Variants in MYO16 observed in about 807,000 individuals in gnomAD.
The protein encoded by MYO16 is myosin XVI, also known as unconventional myosin-XVI.
In MYO16, 94 loss-of-function variants were observed where a neutral mutation model predicts 205.3. That is an observed-to-expected ratio of 0.46 (90% CI 0.39 to 0.54). The LOEUF (loss-of-function observed/expected upper bound fraction) is 0.54. Ranked by LOEUF, MYO16 falls within the 20% of genes least tolerant of loss-of-function variation. The pLI is 0.00. For missense variants in MYO16, 2,315 were observed against 2,387.5 expected (o/e 0.97, Z 0.63); for synonymous variants, 988 against 954.0 (o/e 1.04, Z -0.66).
At chr13:108,573,511 C>A in the MYO16 span, among the ~76,000 whole-genome samples, 1 of 152,170 alleles carries the variant, frequency 6.6e-6, no homozygotes, top group Non-Finnish European at 1.5e-5. Flanking sequence ...GAATTATTCA[C>A]TGCATAGCAA....
intron 2 of MYO16, among the ~76,000 whole-genome samples, chr13:108,708,567 C>T (rs1883602857): frequency 6.6e-6 from 1 of 152,218 alleles, no homozygotes; most frequent in Admixed American, 6.5e-5. Flanking sequence ...GTCCTTCCCT[C>T]TGTCTGGAAA....
chr13:108,644,866 G>C lies in MYO16; in HGVS notation c.28+14994G>C, dbSNP rs371817034. Among the ~76,000 whole-genome samples, 304 of 152,338 alleles carry C rather than the reference G, an allele frequency of 2.0e-3. 8 individuals carry two copies. In the South Asian group the frequency reaches 0.062, roughly 31 times the overall value. On this transcript the variant is annotated intron_variant, in intron 1 of 34. Transcript: ENST00000457511. ...GAGTATAGTCTGAAAATATTTTTAGGATGTTTGGTTAAGAGTGTTTGATGA... is the reference window on the plus strand; with the variant it reads ...GAGTATAGTCTGAAAATATTTTTAGCATGTTTGGTTAAGAGTGTTTGATGA...
chr13:109,005,276 AG>A (rs2139470763), intron 21 of MYO16, among the ~76,000 whole-genome samples: 1 of 152,282 alleles, frequency 6.6e-6, no homozygotes, highest in African/African-American at 2.4e-5. Context: ...AGAATGTTTT[AG>A]GGAAACTTCT....
At chr13:108,741,050 G>A (rs1289841681) in intron 4 of MYO16, among the ~76,000 whole-genome samples, 1 of 152,108 alleles carries the variant, frequency 6.6e-6, no homozygotes, top group East Asian at 1.9e-4. Flanking sequence ...CCCTTGGCTA[G>A]GAAAGGGAAT....
chr13:108,958,894 A>T (rs769597772), intron 17 of MYO16, among the ~76,000 whole-genome samples: 8 of 152,226 alleles, frequency 5.3e-5, no homozygotes, highest in Non-Finnish European at 1.0e-4. Context: ...CACAGGGATA[A>T]CTTGGACATG....
At chr13:108,807,803 T>TA (rs199782223) in intron 7 of MYO16, among the ~76,000 whole-genome samples, 2,507 of 152,318 alleles carry the variant, frequency 0.016, 23 homozygotes, top group Middle Eastern at 0.048. Flanking sequence ...TGGTGAATTT[T>TA]AAAGCAGCTG....
At chr13:108,996,281 A>G (rs1267734396) in intron 21 of MYO16, among the ~76,000 whole-genome samples, 1 of 152,178 alleles carries the variant, frequency 6.6e-6, no homozygotes, top group Non-Finnish European at 1.5e-5. Context: ...TACAGGACAA[A>G]CAACTGACTT....
At chr13:109,087,599 T>C (rs1888475275) in intron 27 of MYO16, among the ~76,000 whole-genome samples, 1 of 152,092 alleles carries the variant, frequency 6.6e-6, no homozygotes, top group Non-Finnish European at 1.5e-5. Flanking sequence ...TGAGCCGAGA[T>C]TGTGCCACTG....
At chr13:108,853,164 C>T (rs1005453955) in intron 10 of MYO16, among the ~76,000 whole-genome samples, 1 of 152,346 alleles carries the variant, frequency 6.6e-6, no homozygotes, top group East Asian at 1.9e-4. Context: ...TCTCTGAGAG[C>T]TGTCAGTCTA....
chr13:108,948,436 A>C (rs981748345), intron 16 of MYO16, among the ~76,000 whole-genome samples: 1 of 152,158 alleles, frequency 6.6e-6, no homozygotes, highest in Admixed American at 6.5e-5. Flanking sequence ...TTATACTTGA[A>C]CCTTCAATCC....
intron 1 of MYO16, among the ~76,000 whole-genome samples, chr13:108,609,425 C>T (rs2139314953): frequency 6.6e-6 from 1 of 152,324 alleles, no homozygotes; most frequent in African/African-American, 2.4e-5. Context: ...GTCTGTTCTG[C>T]TCACGGCACA....
rs765328236 is a variant in MYO16, at chr13:109,008,931, A to G, written c.2477A>G (p.His826Arg). Residue 826 changes from histidine to arginine, a missense_variant, in exon 22 of 35, where the codon CAC becomes CGC. Transcript: ENST00000457511. Reference protein sequence around the residue: ...CVNMTNEKMHHYINEVLFLHE... With the variant: ...CVNMTNEKMHRYINEVLFLHE... ...AACATGACCAATGAGAAGATGCACC[A>G]CTATATCAATGAAGTGCTTTTTCTC... is the stretch of plus-strand genomic sequence containing the variant. The G allele has an allele frequency of 6.2e-7, 1 of 1,613,290 alleles. No homozygotes were observed. The highest frequency in any genetic ancestry group is 8.5e-7 in the Non-Finnish European group (1 of 1,179,620).
intron 23 of MYO16, among the ~76,000 whole-genome samples, chr13:109,042,841 A>G (rs961534324): frequency 2.6e-5 from 4 of 152,210 alleles, no homozygotes; most frequent in African/African-American, 9.7e-5. Context: ...ACTTCATACA[A>G]ATGTCCTTTT....
At chr13:108,814,886 A>T (rs1395088575) in intron 7 of MYO16, among the ~76,000 whole-genome samples, 1 of 152,170 alleles carries the variant, frequency 6.6e-6, no homozygotes, top group Non-Finnish European at 1.5e-5. Context: ...AAACAAACAA[A>T]CCCCACCGCA....
intron 32 of MYO16, among the ~76,000 whole-genome samples, chr13:109,149,178 G>A (rs1256866825): frequency 6.6e-6 from 1 of 152,152 alleles, no homozygotes; most frequent in African/African-American, 2.4e-5. Context: ...GGAAGAAAAT[G>A]AACAAAAACC....
At chr13:108,871,479 T>G (rs1037127940) in intron 12 of MYO16, among the ~76,000 whole-genome samples, 13 of 152,136 alleles carry the variant, frequency 8.5e-5, no homozygotes, top group African/African-American at 2.9e-4. Context: ...ATTATCTTCC[T>G]TCCAAGAAGA....
chr13:109,008,878 C>A lies in MYO16; in HGVS notation c.2443-19C>A, dbSNP rs767386556. 5 of 1,609,760 alleles carry A rather than the reference C, an allele frequency of 3.1e-6. No homozygotes were observed. The South Asian group carries it at 5.5e-5, about 18-fold the overall frequency. On this transcript the variant is annotated intron_variant, in intron 21 of 34. Coordinates refer to ENST00000457511, the MANE Select transcript of MYO16 (RefSeq NM_001198950.3). ...ACTGTACTATCTGGTGAAATGTTTTCTTGTTTTCTCCACAACAGCTTTGTG... is the reference window on the plus strand; with the variant it reads ...ACTGTACTATCTGGTGAAATGTTTTATTGTTTTCTCCACAACAGCTTTGTG...
intron 23 of MYO16, chr13:109,028,455 T>G (rs1389112613): frequency 8.0e-6 from 2 of 251,410 alleles, no homozygotes; most frequent in African/African-American, 4.6e-5. Context: ...GAAGGGAATT[T>G]TGTAAAAAAA....
At chr13:108,571,556 G>A in the MYO16 span, among the ~76,000 whole-genome samples, 1 of 152,022 alleles carries the variant, frequency 6.6e-6, no homozygotes, top group African/African-American at 2.4e-5. Context: ...TGTGGAAAAC[G>A]AAATGAGAGT....
Sources: allele counts gnomAD v4.1 joint callset (sites outside exome capture counted in the v4.1 genomes callset), GRCh38; gene constraint gnomAD v4.1.1; transcripts MANE v1.5; gene names NCBI Gene and HGNC (gene_info 2026-07-23, HGNC 2026-07-21).